KCTD15: variants seen among roughly 807,000 people sequenced by gnomAD.
KCTD15 encodes BTB/POZ domain-containing protein KCTD15.
In KCTD15, 11 loss-of-function variants were observed where a neutral mutation model predicts 27.2. The ratio of observed to expected loss-of-function variants is 0.41; its 90% CI spans 0.25 to 0.67. The LOEUF (loss-of-function observed/expected upper bound fraction) is 0.67. Among genes scored for constraint, KCTD15 ranks in the 30% least tolerant of loss-of-function variants. The pLI is 0.35. For missense variants in KCTD15, 350 were observed against 409.3 expected, an observed-to-expected ratio of 0.86 and a Z score of 1.25; for synonymous variants, 163 against 176.0, an observed-to-expected ratio of 0.93 and a Z score of 0.58.
upstream of KCTD15, among the ~76,000 whole-genome samples, chr19:33,794,165 A>C (rs1302211659): frequency 2.0e-5 from 3 of 152,244 alleles, no homozygotes; most frequent in Admixed American, 1.3e-4. Context: ...TTTGTCTCTT[A>C]AACAATGACA....
chr19:33,797,283 T>TGTGC (rs1161099493), intron 1 of KCTD15: 118 of 120,674 alleles, frequency 9.8e-4, no homozygotes, highest in African/African-American at 2.8e-3. Context: ...TGTGTGTGTG[T>TGTGC]GCGCGCGCGC....
chr19:33,801,513 TG>T, intron 4 of KCTD15, 171 bp downstream of exon 4: 1 of 563,702 alleles, frequency 1.8e-6, no homozygotes, highest in Non-Finnish European at 3.0e-6. Flanking sequence ...CAAGTCTGCC[TG>T]TTGAAAGCTG....
chr19:33,810,349 T>G (rs1453503177), intron 5 of KCTD15, among the ~76,000 whole-genome samples: 1 of 152,222 alleles, frequency 6.6e-6, no homozygotes, highest in Admixed American at 6.5e-5. Flanking sequence ...TCTTGCATCC[T>G]TTGATCCTCA....
upstream of KCTD15, among the ~76,000 whole-genome samples, chr19:33,795,574 A>G (rs1490890267): frequency 6.6e-6 from 1 of 151,694 alleles, no homozygotes; most frequent in Admixed American, 6.6e-5. Context: ...GCGTCCCTGG[A>G]GCCAGGCGGG....
intron 5 of KCTD15, 71 bp from the exon 6 acceptor site, chr19:33,811,176 C>CGG: frequency 4.0e-6 from 4 of 1,004,296 alleles, no homozygotes; most frequent in Non-Finnish European, 5.7e-6. Flanking sequence ...GGCAGGCCGC[C>CGG]TCCCCTCTCC....
At position 33,801,307 on chromosome 19, in the gene KCTD15, C is replaced by T. The variant is rs1975536135; in HGVS notation, c.207C>T (p.Ser69=). The T allele has an allele frequency of 1.2e-6, 2 of 1,612,192 alleles. No homozygotes were observed. The highest frequency in any genetic ancestry group is 1.7e-6 in the Non-Finnish European group (2 of 1,179,224). ...HIDVGGHMYT[S]SLATLTKYPD... is the part of the protein sequence containing the mutation. ...ATGTGGGCGGCCACATGTACACCAG[C>T]AGCCTGGCCACGCTCACCAAGTACC... is the stretch of plus-strand genomic sequence containing the variant. The change falls in exon 4 of 7, where the codon AGC becomes AGT. Residue 69 remains serine, a synonymous_variant. Coordinates refer to ENST00000683859, the MANE Select transcript of KCTD15 (RefSeq NM_001129994.2).
chr19:33,797,702 C>T (rs1417356700), intron 1 of KCTD15, among the ~76,000 whole-genome samples: 1 of 152,210 alleles, frequency 6.6e-6, no homozygotes, highest in African/African-American at 2.4e-5. Context: ...GCCTTTCTGT[C>T]TTCCGGCGGC....
intron 4 of KCTD15, among the ~76,000 whole-genome samples, chr19:33,802,017 A>T (rs1975570344): frequency 6.6e-6 from 1 of 152,172 alleles, no homozygotes; most frequent in Non-Finnish European, 1.5e-5. Context: ...ATGCTGCTGA[A>T]CTTATAGGCT....
In KCTD15 at chr19:33,814,637, C is replaced by G. The variant is rs55643414; in HGVS notation, c.*1689C>G. ...GGTATGAGAAGGTGGCAGGCAGTGG[C>G]TCAGCCAGCCAGGGGGCACCAAGTC... is the stretch of plus-strand genomic sequence containing the variant. On this transcript the variant is annotated 3_prime_UTR_variant, in exon 7 of 7. Transcript: ENST00000683859. 1 of 152,200 alleles carries G rather than the reference C, an allele frequency of 6.6e-6. No individual in the cohort carries two copies. The highest frequency in any genetic ancestry group is 1.5e-5 in the Non-Finnish European group (1 of 68,054). 9.4% of individuals were successfully genotyped at this position (152,200 alleles called of 1,614,324 possible).
intron 4 of KCTD15, among the ~76,000 whole-genome samples, chr19:33,802,823 A>G (rs1024520531): frequency 2.6e-5 from 4 of 152,156 alleles, no homozygotes; most frequent in African/African-American, 9.7e-5. Context: ...TTTGCCCACA[A>G]CCCTCTCTGA....
intron 6 of KCTD15, chr19:33,812,094 G>C: frequency 6.0e-6 from 8 of 1,323,372 alleles, no homozygotes; most frequent in Non-Finnish European, 7.7e-6. Context: ...GCACATTTCC[G>C]GGTTAGGGTG....
At chr19:33,798,632 C>G (rs1297736761) in intron 1 of KCTD15, 36 bp from the exon 2 acceptor site, 1 of 152,756 alleles carries the variant, frequency 6.5e-6, no homozygotes, top group African/African-American at 2.4e-5. Flanking sequence ...GAACTTGTAT[C>G]TCTCACTGCA....
intron 3 of KCTD15, among the ~76,000 whole-genome samples, chr19:33,800,873 A>G (rs1319027544): frequency 6.6e-6 from 1 of 152,104 alleles, no homozygotes; most frequent in South Asian, 2.1e-4. Context: ...AGAATTTTGC[A>G]GTTTGTTTTA....
upstream of KCTD15, among the ~76,000 whole-genome samples, chr19:33,795,227 T>C (rs1975279244): frequency 2.0e-5 from 3 of 152,218 alleles, no homozygotes; most frequent in African/African-American, 7.2e-5. Context: ...TTTCCTGTAG[T>C]TCGAACTCGA....
Position 33,813,300 on chromosome 19 carries a change from C to G in KCTD15, c.*352C>G, listed in dbSNP as rs773128887. On this transcript the variant is annotated 3_prime_UTR_variant, in exon 7 of 7. Transcript: ENST00000683859. ...CAGCTACTTCAGAGGAGCTGTTTATCCCTCTCCACGCGGGGCAGACTCTGG... is the reference window on the plus strand; with the variant it reads ...CAGCTACTTCAGAGGAGCTGTTTATGCCTCTCCACGCGGGGCAGACTCTGG... 3.6e-6 allele frequency: 2 copies of G among 554,140 alleles called. No homozygotes were observed. The highest frequency in any genetic ancestry group is 3.7e-5 in the African/African-American group (2 of 53,656). 34.3% of individuals were successfully genotyped at this position (554,140 alleles called of 1,614,324 possible).
chr19:33,806,145 GT>G (rs763055240), intron 4 of KCTD15, among the ~76,000 whole-genome samples: 2 of 152,230 alleles, frequency 1.3e-5, no homozygotes, highest in African/African-American at 4.8e-5. Flanking sequence ...CAAGGGCCCT[GT>G]TGCATGTGTG....
intron 5 of KCTD15, among the ~76,000 whole-genome samples, chr19:33,808,481 G>T (rs1375885947): frequency 1.3e-5 from 2 of 152,068 alleles, no homozygotes; most frequent in African/African-American, 4.8e-5. Context: ...GATGGGGGTG[G>T]CAGATGGCTT....
At chr19:33,804,198 G>A (rs1466349170) in intron 4 of KCTD15, among the ~76,000 whole-genome samples, 1 of 152,234 alleles carries the variant, frequency 6.6e-6, no homozygotes, top group African/African-American at 2.4e-5. Context: ...GGCATGAAAG[G>A]CCTCTGTCCT....
At chr19:33,801,637 GC>G in intron 4 of KCTD15, 1 of 299,948 alleles carries the variant, frequency 3.3e-6, no homozygotes, top group African/African-American at 2.1e-5. Context: ...GCCTGAGCCT[GC>G]CGGCAGCGGG....
Sources: gnomAD v4.1 joint callset for allele counts (sites outside exome capture counted in the v4.1 genomes callset) on GRCh38, gnomAD v4.1.1 for gene constraint, MANE v1.5 for transcripts, NCBI Gene and HGNC (gene_info 2026-07-23, HGNC 2026-07-21) for gene names.